The following CHRNA7 variants were observed in gnomAD, a reference collection of about 807,000 sequenced individuals.
CHRNA7 encodes cholinergic receptor nicotinic alpha 7 subunit.
In CHRNA7, 17 loss-of-function variants were observed where a neutral mutation model predicts 48.0. That is an observed-to-expected ratio of 0.35 (90% confidence interval 0.24 to 0.53). The LOEUF (loss-of-function observed/expected upper bound fraction) is 0.53, where lower values mean the gene tolerates loss of function less well. Ranked by LOEUF, CHRNA7 falls within the 20% of genes least tolerant of loss-of-function variation. The pLI is 0.92. For missense variants in CHRNA7, 155 were observed against 577.7 expected (o/e 0.27, Z 7.50); for synonymous variants, 75 against 242.3 (o/e 0.31, Z 6.41).
chr15:32,091,333 A>C (rs866014869), intron 2 of CHRNA7, among the ~76,000 whole-genome samples: 1 of 151,964 alleles, frequency 6.6e-6, no homozygotes, highest in Non-Finnish European at 1.5e-5. Context: ...CTATGCAACA[A>C]TTTTTTATTA....
At chr15:32,137,579 G>T (rs1351955656) in intron 4 of CHRNA7, among the ~76,000 whole-genome samples, 1 of 152,160 alleles carries the variant, frequency 6.6e-6, no homozygotes, top group East Asian at 1.9e-4. Flanking sequence ...AAAAATGTAA[G>T]TATGTAGGAG....
intron 2 of CHRNA7, among the ~76,000 whole-genome samples, chr15:32,082,994 C>T (rs1483147350): frequency 1.3e-5 from 2 of 152,076 alleles, no homozygotes; most frequent in African/African-American, 2.4e-5. Context: ...AAATCAGCCT[C>T]GTGTGGTGGT....
intron 2 of CHRNA7, among the ~76,000 whole-genome samples, chr15:32,057,806 A>G (rs1212540581): frequency 6.6e-6 from 1 of 152,226 alleles, no homozygotes; most frequent in Non-Finnish European, 1.5e-5. Flanking sequence ...AAAAATGGAC[A>G]ACGTCCATAG....
rs771779618 is a variant in CHRNA7 at position 32,111,788 on chromosome 15, A to G, written c.241-2A>G. 14 of 1,572,254 alleles carry G rather than the reference A, an allele frequency of 8.9e-6. No homozygotes were observed. In the Admixed American group the frequency reaches 2.0e-4, roughly 23 times the overall value. ...TGCTGCTAATGTCATTGTGTGTGTC[A>G]GTCTTGGACAGATCACTATTTACAG... On this transcript the variant is annotated splice_acceptor_variant, in intron 3 of 9. Coordinates refer to ENST00000306901, the MANE Select transcript of CHRNA7 (RefSeq NM_000746.6). LOFTEE classifies it high-confidence loss of function.
chr15:32,049,776 A>G (rs6494171), intron 2 of CHRNA7, among the ~76,000 whole-genome samples: 135,398 of 152,110 alleles, frequency 0.89, 60,764 homozygotes, highest in South Asian at 0.95. Context: ...ATTTTGCAGC[A>G]GCTAGTACCG....
chr15:32,116,215 C>T (rs145510083), intron 4 of CHRNA7, among the ~76,000 whole-genome samples: 1 of 152,338 alleles, frequency 6.6e-6, no homozygotes, highest in East Asian at 1.9e-4. Context: ...GCTGAAGCCT[C>T]CCAAACATGT....
At chr15:32,042,895 A>G (rs1001304804) in intron 2 of CHRNA7, among the ~76,000 whole-genome samples, 1 of 152,256 alleles carries the variant, frequency 6.6e-6, no homozygotes, top group Non-Finnish European at 1.5e-5. Context: ...TAAAATGACA[A>G]AAGTAATATG....
In CHRNA7 at chr15:32,128,246, T is replaced by C. The variant is rs189707082; in HGVS notation, c.350+16347T>C. Among the ~76,000 whole-genome samples the C allele has an allele frequency of 1.4e-3, 214 of 152,168 alleles. 1 individual carries two copies. The highest frequency in any genetic ancestry group is 2.0e-3 in the Non-Finnish European group (139 of 67,874). ...TAGAGTGTTTCTTCCCATTTTATTG[T>C]TCCTTTTCAAAATTGTTTTAGCTAT... On this transcript the variant is annotated intron_variant, in intron 4 of 9. Coordinates refer to ENST00000306901, the MANE Select transcript of CHRNA7 (RefSeq NM_000746.6).
chr15:32,101,466 A>G (rs1286379048), intron 3 of CHRNA7, 119 bp downstream of exon 3: 1 of 1,081,482 alleles, frequency 9.2e-7, no homozygotes, highest in Non-Finnish European at 1.3e-6. Context: ...AAAACCAAAA[A>G]AACAAAAGGC....
intron 2 of CHRNA7, among the ~76,000 whole-genome samples, chr15:32,041,704 T>C (rs1379386094): frequency 6.6e-6 from 1 of 152,252 alleles, no homozygotes; most frequent in Non-Finnish European, 1.5e-5. Flanking sequence ...TCAGTCTTTG[T>C]TCTCTTTGCT....
intron 2 of CHRNA7, among the ~76,000 whole-genome samples, chr15:32,079,511 A>G (rs1210499357): frequency 2.0e-5 from 3 of 152,078 alleles, no homozygotes; most frequent in Admixed American, 1.3e-4. Flanking sequence ...AACAACAGAC[A>G]GAGAGCCAAA....
chr15:32,152,499 G>A (rs1052363069), intron 4 of CHRNA7, among the ~76,000 whole-genome samples: 8 of 152,326 alleles, frequency 5.3e-5, no homozygotes, highest in African/African-American at 1.2e-4. Flanking sequence ...AGGGCCACGC[G>A]GGAGGCCGAG....
At chr15:32,092,485 T>C (rs960057179) in intron 2 of CHRNA7, among the ~76,000 whole-genome samples, 1 of 152,202 alleles carries the variant, frequency 6.6e-6, no homozygotes, top group Non-Finnish European at 1.5e-5. Context: ...TTTATTTATG[T>C]ATATATTTAA....
At chr15:32,131,115 G>A (rs1254533593) in intron 4 of CHRNA7, among the ~76,000 whole-genome samples, 2 of 151,642 alleles carry the variant, frequency 1.3e-5, no homozygotes, top group Non-Finnish European at 2.9e-5. Context: ...TTTTCTCTTT[G>A]TGTTTAATTT....
rs113226919 is a variant in CHRNA7 at position 32,115,285 on chromosome 15, G to A, written c.350+3386G>A. On this transcript the variant is annotated intron_variant, in intron 4 of 9. Coordinates refer to ENST00000306901, the MANE Select transcript of CHRNA7 (RefSeq NM_000746.6). Reference sequence around the variant, plus strand: ...GGTCAAAGTAAAGCCCCAGGAAACCGAAAGACCAGAAGAGGCGTGCATTGT... The same window carrying A: ...GGTCAAAGTAAAGCCCCAGGAAACCAAAAGACCAGAAGAGGCGTGCATTGT... 3.4e-3 allele frequency among the ~76,000 whole-genome samples: 512 copies of A among 152,292 alleles called. 7 individuals carry two copies. Among genetic ancestry groups the A allele is most frequent in the African/African-American group, 0.011 (477 of 41,564 alleles).
intron 2 of CHRNA7, among the ~76,000 whole-genome samples, chr15:32,046,137 G>A (rs1336198783): frequency 6.6e-6 from 1 of 152,056 alleles, no homozygotes; most frequent in Non-Finnish European, 1.5e-5. Flanking sequence ...ATACGTGTGT[G>A]TGTGTCTTTA....
In CHRNA7 at chr15:32,030,880, G is replaced by C. The variant is rs557721457; in HGVS notation, c.56-18G>C. The C allele has an allele frequency of 7.4e-6, 12 of 1,612,300 alleles. No homozygotes were observed. The South Asian group carries it at 1.3e-4, about 18-fold the overall frequency. On this transcript the variant is annotated intron_variant, in intron 1 of 9. Transcript: ENST00000306901. ...CCGGCCTGCCCTGAGCCCCCTGCCC[G>C]GGTCTTCTCTCCTTAAGTGTCCCTG... is the stretch of plus-strand genomic sequence containing the variant.
intron 2 of CHRNA7, among the ~76,000 whole-genome samples, chr15:32,061,250 C>T (rs372955701): frequency 6.0e-4 from 92 of 152,190 alleles, no homozygotes; most frequent in African/African-American, 2.1e-3. Context: ...TCACCCAGCC[C>T]GGACCTGGGA....
intron 2 of CHRNA7, chr15:32,100,859 T>C (rs2050559117): frequency 5.7e-6 from 1 of 175,578 alleles, no homozygotes; most frequent in African/African-American, 2.4e-5. Flanking sequence ...CCATGGCCCC[T>C]TTCCTGGGGG....
Sources: gnomAD v4.1 joint callset for allele counts (sites outside exome capture counted in the v4.1 genomes callset) on GRCh38, gnomAD v4.1.1 for gene constraint, MANE v1.5 for transcripts, NCBI Gene and HGNC (gene_info 2026-07-23, HGNC 2026-07-21) for gene names.